TERT: variants seen among roughly 807,000 people sequenced by gnomAD.
TERT encodes the protein telomerase reverse transcriptase.
Under a neutral mutation model 104.0 loss-of-function variants are expected in TERT, and 42 were observed. The ratio of observed to expected loss-of-function variants is 0.40; its 90% CI spans 0.32 to 0.52. The LOEUF (loss-of-function observed/expected upper bound fraction) is 0.52. Among genes scored for constraint, TERT ranks in the 20% least tolerant of loss-of-function variants. The probability of loss-of-function intolerance (pLI) is 0.43; values close to 1 mark genes in which losing one functional copy is unlikely to be tolerated. For missense variants in TERT, 1,101 were observed against 1,610.3 expected, an observed-to-expected ratio of 0.68 and a Z score of 5.41; for synonymous variants, 781 against 725.6, an observed-to-expected ratio of 1.08 and a Z score of -1.23.
chr5:1,278,031 C>G (rs771817696), intron 6 of TERT, among the ~76,000 whole-genome samples: 11 of 152,176 alleles, frequency 7.2e-5, no homozygotes, highest in Non-Finnish European at 1.5e-4. Context: ...CTTCCTATAT[C>G]TCATGGAGCC....
rs1181332570 is a variant in TERT, at chr5:1,255,128, C to A, written c.3157+159G>T. ...TCCATCAGGTGCTCTGCTCACCCCA[C>A]GAGAGGGCGGGCAGACGAGCCTGAC... On this transcript the variant is annotated intron_variant, in intron 14 of 15. Transcript: ENST00000310581. The surrounding 1 kb of genome is among the most constrained non-coding windows in gnomAD (Gnocchi z 6.9). Among the ~76,000 whole-genome samples, 1 of 152,226 alleles carries A rather than the reference C, an allele frequency of 6.6e-6. No individual in the cohort carries two copies. The highest frequency in any genetic ancestry group is 1.5e-5 in the Non-Finnish European group (1 of 68,032).
chr5:1,283,313 A>T (rs1279393292), intron 2 of TERT, among the ~76,000 whole-genome samples: 1 of 129,276 alleles, frequency 7.7e-6, no homozygotes, highest in Non-Finnish European at 1.6e-5. Flanking sequence ...CACCATCCGG[A>T]TACAGCACAT....
At chr5:1,258,689 G>C (rs754453683) in intron 12 of TERT, 30 bp from the exon 13 acceptor site, 2 of 1,541,780 alleles carry the variant, frequency 1.3e-6, no homozygotes, top group South Asian at 1.2e-5. Context: ...GTGAGAAACG[G>C]TAGAAACCTC....
At position 1,261,922 on chromosome 5, in the gene TERT, A is replaced by C. The variant is rs1020878355; in HGVS notation, c.2844-1322T>G. ...CTACCTCTCAGGTGGTTAGGAGAAC[A>C]AAGTGAGAGGATGAATGTGCAGGAC... On this transcript the variant is annotated intron_variant, in intron 11 of 15. Transcript: ENST00000310581. The surrounding 1 kb of genome is among the most constrained non-coding windows in gnomAD (Gnocchi z 7.4). Among the ~76,000 whole-genome samples, 6 of 152,200 alleles carry C rather than the reference A, an allele frequency of 3.9e-5. No homozygotes were observed. The highest frequency in any genetic ancestry group is 1.4e-4 in the African/African-American group (6 of 41,458).
In TERT at chr5:1,257,013, C is replaced by T. The variant is rs927267184; in HGVS notation, c.3032+1585G>A. On this transcript the variant is annotated intron_variant, in intron 13 of 15. Transcript: ENST00000310581. The surrounding 1 kb of genome is among the most constrained non-coding windows in gnomAD (Gnocchi z 5.6). ...GCCGTGAAATCGGGGCCCAGCTCTCCGTTCTCCCACTCCTGCCTCGAGGGA... is the reference window on the plus strand; with the variant it reads ...GCCGTGAAATCGGGGCCCAGCTCTCTGTTCTCCCACTCCTGCCTCGAGGGA... 9.8e-5 allele frequency among the ~76,000 whole-genome samples: 15 copies of T among 152,302 alleles called. 2 individuals carry two copies. The highest frequency in any genetic ancestry group is 6.2e-4 in the South Asian group (3 of 4,832).
At position 1,253,196 on chromosome 5, in the gene TERT, T is replaced by TC; in HGVS notation, c.*531dup. ...TTTCAAAACTGAAAAACTCATATAT[T>TC]CAGTATTTTACTCCCACAGCACCTC... On this transcript the variant is annotated 3_prime_UTR_variant, in exon 16 of 16. Transcript: ENST00000310581. 1 of 259,972 alleles carries TC rather than the reference T, an allele frequency of 3.8e-6. No homozygotes were observed. Among genetic ancestry groups the TC allele is most frequent in the Non-Finnish European group, 7.5e-6 (1 of 134,086 alleles). The allele number at this position is 259,972 out of a possible 1,614,324, so 16.1% of individuals were successfully genotyped here.
At chr5:1,254,219 A>G in intron 15 of TERT, 149 bp downstream of exon 15, 1 of 1,042,036 alleles carries the variant, frequency 9.6e-7, no homozygotes, top group Non-Finnish European at 1.4e-6. Context: ...GTTTAATCAC[A>G]TAGGGCTGCC....
chr5:1,272,399 C>G, intron 6 of TERT, 119 bp from the exon 7 acceptor site: 1 of 937,460 alleles, frequency 1.1e-6, no homozygotes, highest in Non-Finnish European at 1.7e-6. Context: ...CGGGATGAAG[C>G]CCAGAGAGCG....
chr5:1,268,134 C>T lies in TERT; in HGVS notation c.2582+386G>A, dbSNP rs545825438. ...GAGGCGCCCAGTCCAGGCCACCTGT[C>T]GAGGGCCTGCTGGGAGATGTGGGGC... On this transcript the variant is annotated intron_variant, in intron 9 of 15. Coordinates refer to ENST00000310581, the MANE Select transcript of TERT (RefSeq NM_198253.3). The surrounding 1 kb of genome is among the most constrained non-coding windows in gnomAD (Gnocchi z 5.5). 2.0e-5 allele frequency among the ~76,000 whole-genome samples: 3 copies of T among 152,218 alleles called. No homozygotes were observed. Among genetic ancestry groups the T allele is most frequent in the South Asian group, 4.1e-4 (2 of 4,834 alleles).
intron 12 of TERT, 130 bp downstream of exon 12, chr5:1,260,344 G>T: frequency 7.0e-7 from 1 of 1,423,500 alleles, no homozygotes; most frequent in Non-Finnish European, 9.8e-7. Context: ...ACGTGTATAT[G>T]CGTACATGTG....
At chr5:1,264,870 T>C (rs1347736266) in intron 10 of TERT, among the ~76,000 whole-genome samples, 2 of 152,216 alleles carry the variant, frequency 1.3e-5, no homozygotes, top group Non-Finnish European at 2.9e-5. Flanking sequence ...CCCAGTGGCC[T>C]CTGTGATGGT....
At chr5:1,275,509 G>A (rs945937205) in intron 6 of TERT, among the ~76,000 whole-genome samples, 11 of 152,046 alleles carry the variant, frequency 7.2e-5, no homozygotes, top group Admixed American at 5.9e-4. Context: ...CCTGCCCACC[G>A]GCCACACACC....
rs1561189372 is a variant in TERT, at chr5:1,258,785, T to A, written c.2971-126A>T. On this transcript the variant is annotated intron_variant, in intron 12 of 15. Transcript: ENST00000310581. Reference sequence around the variant, plus strand: ...GAACATTTTGACAAGAAACTATCCCTCTTCCCAGTGAAATCCGGCCTGGCC... The same window carrying A: ...GAACATTTTGACAAGAAACTATCCCACTTCCCAGTGAAATCCGGCCTGGCC... 13 of 888,046 alleles carry A rather than the reference T, an allele frequency of 1.5e-5. No homozygotes were observed. In the South Asian group the frequency reaches 1.7e-4, roughly 12 times the overall value. The allele number at this position is 888,046 out of a possible 1,614,324, so 55.0% of individuals were successfully genotyped here. A position where few individuals can be genotyped will look rare whatever the true frequency, so the allele number is the denominator to read the frequency against.
In TERT at chr5:1,263,108, T is replaced by C. The variant is rs938307499; in HGVS notation, c.2843+1296A>G. ...GCCACTCCCCCATCATGAGGGCGTC[T>C]GCACCTGCTGCTCCCCCATCACGAG... On this transcript the variant is annotated intron_variant, in intron 11 of 15. Transcript: ENST00000310581. The surrounding 1 kb of genome is among the most constrained non-coding windows in gnomAD (Gnocchi z 5.3). Among the ~76,000 whole-genome samples the C allele has an allele frequency of 6.6e-6, 1 of 152,142 alleles. No individual in the cohort carries two copies. Among genetic ancestry groups the C allele is most frequent in the Non-Finnish European group, 1.5e-5 (1 of 68,016 alleles).
At chr5:1,259,713 G>A (rs1748067486) in intron 12 of TERT, among the ~76,000 whole-genome samples, 1 of 135,424 alleles carries the variant, frequency 7.4e-6, no homozygotes, top group Non-Finnish European at 1.6e-5. Flanking sequence ...GAGACGAGTG[G>A]ATGCAGATGC....
chr5:1,260,560 G>A lies in TERT; in HGVS notation c.2884C>T (p.Arg962Cys), dbSNP rs144697790. 2.7e-5 allele frequency: 43 copies of A among 1,614,142 alleles called. No individual in the cohort carries two copies. In the African/African-American group the frequency reaches 2.8e-4, roughly 11 times the overall value. Residue 962 changes from arginine to cysteine, a missense_variant, in exon 12 of 16, where the codon CGC becomes TGC. Arg to Cys is a radical substitution (Grantham distance 180). This residue lies in a region of TERT where 463 missense variants were observed against 797.5 expected (regional missense o/e 0.58). Coordinates refer to ENST00000310581, the MANE Select transcript of TERT (RefSeq NM_198253.3). ...TSIRASLTFN[R>C]GFKAGRNMRR... ...ATGTTCCTCCCAGCCTTGAAGCCGCGGTTGAAGGTGAGACTGGCTCTGATG... is the reference window on the plus strand; with the variant it reads ...ATGTTCCTCCCAGCCTTGAAGCCGCAGTTGAAGGTGAGACTGGCTCTGATG...
chr5:1,283,629 C>A (rs1285358366), intron 2 of TERT, among the ~76,000 whole-genome samples: 2 of 150,354 alleles, frequency 1.3e-5, no homozygotes, highest in Non-Finnish European at 3.0e-5. Flanking sequence ...CACCGCACAT[C>A]CAGCTCACAG....
Position 1,272,247 on chromosome 5 carries a change from G to C in TERT, c.2320C>G (p.Arg774Gly). The C allele has an allele frequency of 1.2e-6, 2 of 1,612,754 alleles. No individual in the cohort carries two copies. Among genetic ancestry groups the C allele is most frequent in the Non-Finnish European group, 1.7e-6 (2 of 1,179,810 alleles). Residue 774 changes from arginine to glycine, a missense_variant, in exon 7 of 16, where the codon CGA becomes GGA. By Grantham distance (125) the Arg-to-Gly change is moderately radical. Around this residue, in one of 5 missense-constraint regions of TERT, gnomAD observed 463 missense variants for 797.5 expected, o/e 0.58. Transcript: ENST00000310581. The part of the protein sequence containing the change: ...STLTDLQPYM[R>G]QFVAHLQETS... Reference sequence around the variant, plus strand: ...TCCTGCAGGTGAGCCACGAACTGTCGCATGTACGGCTGGAGGTCTGTCAAG... The same window carrying C: ...TCCTGCAGGTGAGCCACGAACTGTCCCATGTACGGCTGGAGGTCTGTCAAG...
chr5:1,282,166 T>C (rs1487919656), intron 3 of TERT, among the ~76,000 whole-genome samples: 4 of 152,062 alleles, frequency 2.6e-5, no homozygotes, highest in Non-Finnish European at 5.9e-5. Flanking sequence ...AGTGTTTCCA[T>C]CTAATTTAAA....
Sources: allele counts gnomAD v4.1 joint callset (sites outside exome capture counted in the v4.1 genomes callset), GRCh38; gene constraint gnomAD v4.1.1; regional missense constraint gnomAD v4.1.1; non-coding constraint Gnocchi (gnomAD v3.1); transcripts MANE v1.5; gene names NCBI Gene and HGNC (gene_info 2026-07-23, HGNC 2026-07-21).